Variants in CTNNA2 observed in about 807,000 individuals in gnomAD.
CTNNA2 encodes the protein catenin alpha 2.
CTNNA2 carries 42 observed loss-of-function variants against 101.0 expected under a neutral mutation model. That is an observed-to-expected ratio of 0.42 (90% CI 0.32 to 0.54). The LOEUF is 0.54. CTNNA2 is among the 20% of genes least tolerant of loss of function. The pLI is 0.14. For synonymous variants in CTNNA2, 450 were observed against 456.4 expected (o/e 0.99, Z 0.18); for missense variants, 871 against 1,223.1 (o/e 0.71, Z 4.29).
intron 1 of CTNNA2, among the ~76,000 whole-genome samples, chr2:79,601,005 G>A (rs539413309): frequency 1.6e-4 from 24 of 152,046 alleles, no homozygotes; most frequent in African/African-American, 5.8e-4. Context: ...AATTTTAGGG[G>A]GACACAAACA....
intron 7 of CTNNA2, among the ~76,000 whole-genome samples, chr2:80,239,318 C>T (rs968638006): frequency 1.3e-4 from 20 of 152,058 alleles, no homozygotes; most frequent in African/African-American, 4.8e-4. Context: ...CTATGCGAAA[C>T]TTGGGTGATT....
In CTNNA2 at chr2:80,313,572, G is replaced by A. The variant is rs770391276; in HGVS notation, c.1057-79639G>A. 1.9e-6 allele frequency: 3 copies of A among 1,610,942 alleles called. No individual in the cohort carries two copies. The East Asian group carries it at 6.7e-5, about 36-fold the overall frequency. On this transcript the variant is annotated intron_variant, in intron 7 of 18. Transcript: ENST00000402739. The stretch of plus-strand genomic sequence containing the variant: ...AGACGAATTGACCAGATGGATGGAT[G>A]GAGAAGGCCACTCCAGTCAGTAGGC...
chr2:79,604,429 C>A (rs1677752718), intron 1 of CTNNA2, among the ~76,000 whole-genome samples: 1 of 152,108 alleles, frequency 6.6e-6, no homozygotes, highest in Non-Finnish European at 1.5e-5. Flanking sequence ...TCGGGGAACA[C>A]CAGGGGAAAG....
chr2:79,509,833 C>T (rs770957503), upstream of CTNNA2, among the ~76,000 whole-genome samples: 24 of 152,150 alleles, frequency 1.6e-4, no homozygotes, highest in Admixed American at 1.2e-3. Flanking sequence ...CACAGGGAGT[C>T]GTGCCCTTGT....
At chr2:79,552,657 A>G (rs371339603) in intron 1 of CTNNA2, among the ~76,000 whole-genome samples, 2 of 152,020 alleles carry the variant, frequency 1.3e-5, no homozygotes, top group African/African-American at 4.8e-5. Context: ...CCAAGCCTCA[A>G]CTCTCACACT....
chr2:79,971,304 C>G (rs6718084), intron 7 of CTNNA2, among the ~76,000 whole-genome samples: 20,483 of 152,158 alleles, frequency 0.13, 1,549 homozygotes, highest in Middle Eastern at 0.23. Flanking sequence ...CCTCAAGACA[C>G]GCATATAACA....
chr2:79,581,252 G>A (rs77586551), intron 1 of CTNNA2, among the ~76,000 whole-genome samples: 2,991 of 152,284 alleles, frequency 0.02, 45 homozygotes, highest in Non-Finnish European at 0.028. Context: ...TTGGCTGGGC[G>A]CAGTGGCTCT....
intron 7 of CTNNA2, among the ~76,000 whole-genome samples, chr2:80,354,248 G>A (rs1185211212): frequency 2.6e-5 from 4 of 152,180 alleles, no homozygotes. Flanking sequence ...AGAATATCAG[G>A]GGATGGAATT....
chr2:80,303,068 G>A lies in CTNNA2; in HGVS notation c.1057-90143G>A. 1 of 1,613,984 alleles carries A rather than the reference G, an allele frequency of 6.2e-7. No individual in the cohort carries two copies. The highest frequency in any genetic ancestry group is 8.5e-7 in the Non-Finnish European group (1 of 1,180,020). On this transcript the variant is annotated intron_variant, in intron 7 of 18. Coordinates refer to ENST00000402739, the MANE Select transcript of CTNNA2 (RefSeq NM_001282597.3). The surrounding 1 kb of genome is among the most constrained non-coding windows in gnomAD (Gnocchi z 7.7). ...CTCCAGGTTCCAAACCCAGTCCAGC[G>A]AGCTGACCACAATGGCCACCTTGTT...
intron 9 of CTNNA2, among the ~76,000 whole-genome samples, chr2:80,534,223 T>C (rs982218144): frequency 6.6e-6 from 1 of 152,162 alleles, no homozygotes; most frequent in Non-Finnish European, 1.5e-5. Flanking sequence ...TTTTTATAGA[T>C]GTATAACTGT....
chr2:79,661,963 G>T lies in CTNNA2; in HGVS notation c.102+10305G>T, dbSNP rs17017449. On this transcript the variant is annotated intron_variant, in intron 2 of 18. Coordinates refer to ENST00000402739, the MANE Select transcript of CTNNA2 (RefSeq NM_001282597.3). ...CTGAAAATACTGAAATGGTAAGTTG[G>T]GAGTACATTAACCATGGAGAATGTG... Among the ~76,000 whole-genome samples the T allele has an allele frequency of 2.8e-4, 43 of 151,972 alleles. No individual in the cohort carries two copies. The East Asian group carries it at 2.9e-3, about 10-fold the overall frequency.
intron 4 of CTNNA2, among the ~76,000 whole-genome samples, chr2:79,466,359 GT>G (rs1670935137): frequency 6.6e-6 from 1 of 152,216 alleles, no homozygotes; most frequent in Non-Finnish European, 1.5e-5. Flanking sequence ...TGAGGTTTGA[GT>G]AGGTAAACAA....
chr2:79,830,973 G>A (rs757791725), intron 3 of CTNNA2, among the ~76,000 whole-genome samples: 4 of 152,088 alleles, frequency 2.6e-5, no homozygotes, highest in Non-Finnish European at 4.4e-5. Context: ...AGGTGCTAGT[G>A]GTAGCTGGCT....
intron 1 of CTNNA2, among the ~76,000 whole-genome samples, chr2:79,624,704 G>A (rs569412099): frequency 6.6e-6 from 1 of 152,232 alleles, no homozygotes; most frequent in African/African-American, 2.4e-5. Context: ...ACCAGATTCT[G>A]TGAGAATAAT....
intron 3 of CTNNA2, among the ~76,000 whole-genome samples, chr2:79,325,363 G>A (rs1206484645): frequency 1.3e-5 from 2 of 152,194 alleles, no homozygotes; most frequent in African/African-American, 4.8e-5. Context: ...GAGAAAGGCT[G>A]CAAACTGTCT....
At chr2:80,286,069 T>A (rs1373789196) in intron 7 of CTNNA2, among the ~76,000 whole-genome samples, 1 of 152,160 alleles carries the variant, frequency 6.6e-6, no homozygotes, top group East Asian at 1.9e-4. Flanking sequence ...TCAGGAATGG[T>A]GCTCTGATCT....
chr2:79,545,645 A>G (rs1193688348), intron 1 of CTNNA2, among the ~76,000 whole-genome samples: 1 of 152,206 alleles, frequency 6.6e-6, no homozygotes, highest in Non-Finnish European at 1.5e-5. Context: ...AATATTATTC[A>G]AAGTGAGTTT....
At chr2:79,808,074 G>A (rs746045014) in intron 3 of CTNNA2, among the ~76,000 whole-genome samples, 2 of 152,052 alleles carry the variant, frequency 1.3e-5, no homozygotes, top group Non-Finnish European at 2.9e-5. Flanking sequence ...CTTGTAAAAC[G>A]TAGTATTTAT....
intron 8 of CTNNA2, among the ~76,000 whole-genome samples, chr2:80,415,329 G>C (rs1679946351): frequency 6.6e-6 from 1 of 152,144 alleles, no homozygotes. Context: ...TACCTGGCAT[G>C]ACAAGATATT....
Sources: gnomAD v4.1 joint callset for allele counts (sites outside exome capture counted in the v4.1 genomes callset) on GRCh38, gnomAD v4.1.1 for gene constraint, Gnocchi (gnomAD v3.1) non-coding constraint, MANE v1.5 for transcripts, NCBI Gene and HGNC (gene_info 2026-07-23, HGNC 2026-07-21) for gene names.